The following DYNC2H1 variants were observed in gnomAD, a reference collection of about 807,000 sequenced individuals.
The protein encoded by DYNC2H1 is cytoplasmic dynein 2 heavy chain 1.
DYNC2H1 carries 410 observed loss-of-function variants against 570.0 expected under a neutral mutation model. That is an observed-to-expected ratio of 0.72 (90% CI 0.66 to 0.78). The LOEUF is 0.78. DYNC2H1 is among the 30% of genes least tolerant of loss of function. The pLI, the probability that DYNC2H1 is intolerant of heterozygous loss-of-function variation, is 0.00. For synonymous variants in DYNC2H1, 1,688 were observed against 1,677.6 expected, an observed-to-expected ratio of 1.01 and a Z score of -0.15; for missense variants, 4,865 against 5,046.4, an observed-to-expected ratio of 0.96 and a Z score of 1.09.
At chr11:103,475,385 T>A (rs1481979) in intron 88 of DYNC2H1, among the ~76,000 whole-genome samples, 1 of 151,964 alleles carries the variant, frequency 6.6e-6, no homozygotes, top group African/African-American at 2.4e-5. Context: ...CAGTGTCTTA[T>A]GTTTTGCCTG....
At chr11:103,255,126 T>C (rs758575282) in intron 66 of DYNC2H1, among the ~76,000 whole-genome samples, 38 of 152,176 alleles carry the variant, frequency 2.5e-4, no homozygotes, top group Non-Finnish European at 4.6e-4. Flanking sequence ...TCTCATAATT[T>C]AGTATATTTA....
At chr11:103,375,534 G>A (rs1273908944) in intron 83 of DYNC2H1, among the ~76,000 whole-genome samples, 3 of 152,222 alleles carry the variant, frequency 2.0e-5, no homozygotes, top group African/African-American at 7.2e-5. Context: ...CAAAGCCACA[G>A]AGGCAGAGCT....
At position 103,363,642 on chromosome 11, in the gene DYNC2H1, T is replaced by C. The variant is rs1202151108; in HGVS notation, c.12156+5283T>C. 6.6e-6 allele frequency among the ~76,000 whole-genome samples: 1 copy of C among 152,222 alleles called. No homozygotes were observed. Among genetic ancestry groups the C allele is most frequent in the Non-Finnish European group, 1.5e-5 (1 of 68,032 alleles). On this transcript the variant is annotated intron_variant, in intron 83 of 88. Transcript: ENST00000375735. The surrounding 1 kb of genome is among the most constrained non-coding windows in gnomAD (Gnocchi z 5.6). Reference sequence around the variant, plus strand: ...CCTGTTAGGGATCATTAGGAAAAACTACCATCATGTTGAAACTGGAATATG... The same window carrying C: ...CCTGTTAGGGATCATTAGGAAAAACCACCATCATGTTGAAACTGGAATATG...
chr11:103,469,085 T>C (rs11225815), intron 88 of DYNC2H1, among the ~76,000 whole-genome samples: 73,743 of 152,062 alleles, frequency 0.48, 19,601 homozygotes, highest in Non-Finnish European at 0.61. Context: ...CAGATATTAT[T>C]ATTCCCACTT....
chr11:103,389,314 G>T (rs531181340), intron 83 of DYNC2H1, among the ~76,000 whole-genome samples: 58 of 152,240 alleles, frequency 3.8e-4, no homozygotes, highest in African/African-American at 1.3e-3. Context: ...ATTCTCTGAT[G>T]GTAGTTTGTA....
rs768432458 is a variant in DYNC2H1, at chr11:103,215,813, A to G, written c.8787A>G (p.Gln2929=). 15 of 1,612,800 alleles carry G rather than the reference A, an allele frequency of 9.3e-6. No homozygotes were observed. The South Asian group carries it at 1.4e-4, about 15-fold the overall frequency. Residue 2929 remains glutamine (Q), a synonymous_variant, in exon 55 of 89, where the codon CAA becomes CAG. Transcript: ENST00000375735. The part of the protein sequence containing the change: ...GEQSVLLKTK[Q]DEADAALQMI... ...AAAGTGTGTTACTTAAAACGAAGCA[A>G]GATGAAGCAGATGCTGCCCTTCAAA... is the stretch of plus-strand genomic sequence containing the variant.
chr11:103,230,858 A>G (rs955093031), intron 59 of DYNC2H1, among the ~76,000 whole-genome samples: 3 of 152,108 alleles, frequency 2.0e-5, no homozygotes, highest in Non-Finnish European at 2.9e-5. Flanking sequence ...AAACAGAGTG[A>G]GACTCTGTCT....
rs185898017 is a variant in DYNC2H1 at position 103,289,430 on chromosome 11, T to G, written c.11095+1825T>G. On this transcript the variant is annotated intron_variant, in intron 75 of 88. Coordinates refer to ENST00000375735, the MANE Select transcript of DYNC2H1 (RefSeq NM_001377.3). This position sits in a 1 kb window ranked among gnomAD's most constrained non-coding sequence, Gnocchi z 4.2. ...CTTAAAGGCTAGAAGCAAGATGGAG[T>G]CGGTTAGGTCTGATCTCTTTCACTG... 2.0e-5 allele frequency among the ~76,000 whole-genome samples: 3 copies of G among 151,852 alleles called. No homozygotes were observed. The East Asian group carries it at 5.8e-4, about 29-fold the overall frequency.
At chr11:103,282,260 C>T (rs1866172012) in intron 72 of DYNC2H1, 31 bp downstream of exon 72, 10 of 1,597,686 alleles carry the variant, frequency 6.3e-6, no homozygotes, top group African/African-American at 5.4e-5. Flanking sequence ...CTATTTTGCT[C>T]TTAAAGAAAA....
chr11:103,412,828 A>G (rs981912072), intron 84 of DYNC2H1, among the ~76,000 whole-genome samples: 1 of 152,214 alleles, frequency 6.6e-6, no homozygotes, highest in Admixed American at 6.5e-5. Flanking sequence ...ACTTTATTAT[A>G]TAATTTTGAG....
chr11:103,336,851 C>T (rs1939159933), intron 82 of DYNC2H1, among the ~76,000 whole-genome samples: 1 of 152,110 alleles, frequency 6.6e-6, no homozygotes, highest in African/African-American at 2.4e-5. Context: ...GTAATAAACA[C>T]AGGAGTGCAG....
intron 82 of DYNC2H1, among the ~76,000 whole-genome samples, chr11:103,354,120 T>C (rs1338068826): frequency 7.0e-6 from 1 of 143,848 alleles, no homozygotes; most frequent in Non-Finnish European, 1.5e-5. Context: ...GAGGTTGCGA[T>C]GAGCTGAGAT....
chr11:103,430,702 T>G (rs633712), intron 84 of DYNC2H1, among the ~76,000 whole-genome samples: 84,369 of 151,880 alleles, frequency 0.56, 24,075 homozygotes, highest in East Asian at 0.72. Context: ...TTCTGTCATG[T>G]CTTATTAATG....
chr11:103,184,903 A>G lies in DYNC2H1; in HGVS notation c.6485A>G (p.Tyr2162Cys), dbSNP rs760890690. 2 of 1,610,248 alleles carry G rather than the reference A, an allele frequency of 1.2e-6. No homozygotes were observed. The highest frequency in any genetic ancestry group is 1.1e-5 in the South Asian group (1 of 90,888). The stretch of plus-strand genomic sequence containing the variant: ...ACGGATTTTAATCAACAGAATGACT[A>G]TGTGGTAGAAACAAGTTTGGTTGGG... ...ALQWVLKQND[Y>C]VVETSLVGTV... Residue 2162 changes from tyrosine to cysteine, a missense_variant, in exon 41 of 89, where the codon TAT becomes TGT. Around this residue, in one of 5 missense-constraint regions of DYNC2H1, gnomAD observed 231 missense variants for 310.3 expected, o/e 0.74. Transcript: ENST00000375735.
chr11:103,471,110 A>C (rs1351902412), intron 88 of DYNC2H1, among the ~76,000 whole-genome samples: 2 of 149,952 alleles, frequency 1.3e-5, no homozygotes, highest in African/African-American at 4.9e-5. Context: ...TCGCCATTCT[A>C]ACTGGTGTGA....
rs626330 is a variant in DYNC2H1, at chr11:103,165,062, A to G, written c.4612-836A>G. On this transcript the variant is annotated intron_variant, in intron 30 of 88. Transcript: ENST00000375735. ...ACCACAAAGTTTGTTTGGGCGATGA[A>G]TTTGCTTAGAAATGAGTTACTAGTT... is the stretch of plus-strand genomic sequence containing the variant. Among the ~76,000 whole-genome samples the G allele has an allele frequency of 4.8e-4, 73 of 152,228 alleles. 1 individual carries two copies. Among genetic ancestry groups the G allele is most frequent in the Middle Eastern group, 3.4e-3 (1 of 292 alleles).
chr11:103,280,413 T>A lies in DYNC2H1; in HGVS notation c.10761T>A (p.Asn3587Lys). Residue 3587 changes from asparagine to lysine, a missense_variant and splice_region_variant, in exon 71 of 89, where the codon AAT becomes AAA. By Grantham distance (94) the Asn-to-Lys change is moderately conservative. Transcript: ENST00000375735. The surrounding 1 kb of genome is among the most constrained non-coding windows in gnomAD (Gnocchi z 4.7). ...RGMHPELFQE[N>K]EWDTFTGVVV... ...TGCATCCTGAACTTTTTCAAGAAAA[T>A]GTAAGTCAAATTAAAGGAGAGAAAT... is the stretch of plus-strand genomic sequence containing the variant. 3 of 1,552,808 alleles carry A rather than the reference T, an allele frequency of 1.9e-6. No homozygotes were observed. Among genetic ancestry groups the A allele is most frequent in the Non-Finnish European group, 2.6e-6 (3 of 1,147,140 alleles).
chr11:103,133,778 T>A lies in DYNC2H1; in HGVS notation c.2106+71T>A. 1 of 1,409,780 alleles carries A rather than the reference T, an allele frequency of 7.1e-7. No individual in the cohort carries two copies. Among genetic ancestry groups the A allele is most frequent in the Non-Finnish European group, 9.5e-7 (1 of 1,054,932 alleles). The allele number at this position is 1,409,780 out of a possible 1,614,324, so 87.3% of individuals were successfully genotyped here. On this transcript the variant is annotated intron_variant, in intron 14 of 88. Coordinates refer to ENST00000375735, the MANE Select transcript of DYNC2H1 (RefSeq NM_001377.3). This position sits in a 1 kb window ranked among gnomAD's most constrained non-coding sequence, Gnocchi z 4.8. Reference sequence around the variant, plus strand: ...TAAAAAGTCATTAAGATACAATTTTTAAAAACTTATTTTGAAATAATTTGA... The same window carrying A: ...TAAAAAGTCATTAAGATACAATTTTAAAAAACTTATTTTGAAATAATTTGA...
At chr11:103,271,972 G>A (rs1476063362) in intron 70 of DYNC2H1, among the ~76,000 whole-genome samples, 2 of 152,206 alleles carry the variant, frequency 1.3e-5, no homozygotes, top group Non-Finnish European at 2.9e-5. Context: ...TACACTGTTG[G>A]TGGGACTGTA....
Sources: gnomAD v4.1 joint callset for allele counts (sites outside exome capture counted in the v4.1 genomes callset) on GRCh38, gnomAD v4.1.1 for gene constraint, gnomAD v4.1.1 regional missense constraint, Gnocchi (gnomAD v3.1) non-coding constraint, MANE v1.5 for transcripts, NCBI Gene and HGNC (gene_info 2026-07-23, HGNC 2026-07-21) for gene names.